The following MINDY2 variants were observed in gnomAD, a reference collection of about 807,000 sequenced individuals.
MINDY2 encodes the protein ubiquitin carboxyl-terminal hydrolase MINDY-2.
A neutral mutation model predicts 68.2 loss-of-function variants in MINDY2; 52 were observed. The ratio of observed to expected loss-of-function variants is 0.76; its 90% CI spans 0.61 to 0.96. The LOEUF (loss-of-function observed/expected upper bound fraction) is 0.96. MINDY2 is among the 40% of genes least tolerant of loss of function. MINDY2 has a pLI of 0.00. For missense variants in MINDY2, 881 were observed against 773.4 expected, an observed-to-expected ratio of 1.14 and a Z score of -1.65; for synonymous variants, 372 against 303.0, an observed-to-expected ratio of 1.23 and a Z score of -2.36.
intron 4 of MINDY2, among the ~76,000 whole-genome samples, chr15:58,810,983 C>T (rs965352717): frequency 3.3e-4 from 50 of 152,218 alleles, no homozygotes; most frequent in African/African-American, 1.1e-3. Context: ...AATTTATTGC[C>T]CATGTAATTG....
chr15:58,845,968 C>G (rs185584700), intron 6 of MINDY2, among the ~76,000 whole-genome samples: 15 of 151,890 alleles, frequency 9.9e-5, no homozygotes, highest in African/African-American at 3.4e-4. Context: ...TTCGCATGTT[C>G]TTTCTTATTT....
At chr15:58,792,003 G>T (rs1198194356) in intron 2 of MINDY2, among the ~76,000 whole-genome samples, 1 of 152,156 alleles carries the variant, frequency 6.6e-6, no homozygotes, top group African/African-American at 2.4e-5. Context: ...TTTCAAGGAA[G>T]AGTGAGAGAT....
chr15:58,825,750 C>T (rs2031354976), intron 5 of MINDY2, among the ~76,000 whole-genome samples: 1 of 152,114 alleles, frequency 6.6e-6, no homozygotes, highest in South Asian at 2.1e-4. Flanking sequence ...GGACTACAGG[C>T]TCACGCCACC....
Position 58,810,295 on chromosome 15 carries a change from C to T in MINDY2, c.1029C>T (p.Phe343=). The change falls in exon 4 of 9, where the codon TTC becomes TTT. Residue 343 remains phenylalanine (F), a synonymous_variant. Coordinates refer to ENST00000559228, the MANE Select transcript of MINDY2 (RefSeq NM_001040450.3). ...CAGGCCTGGATGTAAATGTAAGATT[C>T]ACTGGTGTTCGAGTGTTTGAATATA... ...LQTGLDVNVR[F]TGVRVFEYTP... 1.2e-6 allele frequency: 2 copies of T among 1,613,856 alleles called. No individual in the cohort carries two copies. The highest frequency in any genetic ancestry group is 1.1e-5 in the South Asian group (1 of 91,022).
intron 5 of MINDY2, among the ~76,000 whole-genome samples, chr15:58,825,107 A>T (rs1373735492): frequency 6.6e-6 from 1 of 152,234 alleles, no homozygotes; most frequent in Non-Finnish European, 1.5e-5. Context: ...TTTATTAAAA[A>T]ATAAGTTTTG....
intron 3 of MINDY2, among the ~76,000 whole-genome samples, chr15:58,803,945 GAAAAAAAAAA>G (rs34082956): frequency 5.2e-5 from 4 of 77,234 alleles, no homozygotes; most frequent in South Asian, 4.5e-4. Flanking sequence ...CAGCTCTACT[GAAAAAAAAAA>G]AAAAAAAAAA....
chr15:58,847,586 T>G (rs1439864747), intron 7 of MINDY2, 116 bp downstream of exon 7: 1 of 727,736 alleles, frequency 1.4e-6, no homozygotes, highest in African/African-American at 1.8e-5. Flanking sequence ...TTGTGAAATT[T>G]TCCTGACACT....
Position 58,771,588 on chromosome 15 carries a change from G to T in MINDY2, c.193G>T (p.Asp65Tyr). 6.2e-7 allele frequency: 1 copy of T among 1,611,774 alleles called. No homozygotes were observed. The highest frequency in any genetic ancestry group is 8.5e-7 in the Non-Finnish European group (1 of 1,179,724). Reference protein sequence around the residue: ...GAAAARRSLPDSASPAGSPEV... With the variant: ...GAAAARRSLPYSASPAGSPEV... Reference sequence around the variant, plus strand: ...GGCGGCCGCCAGGAGGAGCCTCCCGGACTCGGCTTCTCCCGCGGGCTCTCC... The same window carrying T: ...GGCGGCCGCCAGGAGGAGCCTCCCGTACTCGGCTTCTCCCGCGGGCTCTCC... Residue 65 changes from aspartate to tyrosine, a missense_variant, in exon 1 of 9, where the codon GAC becomes TAC. Transcript: ENST00000559228.
In MINDY2 at chr15:58,772,055, G is replaced by C. The variant is rs754616116; in HGVS notation, c.660G>C (p.Glu220Asp). Residue 220 changes from glutamate (E) to aspartate (D), a missense_variant, in exon 1 of 9, where the codon GAG becomes GAC. Glu to Asp is a conservative substitution (Grantham distance 45, BLOSUM62 2). Transcript: ENST00000559228. ...VLPGAVPLCK[E>D]EEGEETAQVL... ...CCGGGGCTGTTCCTCTGTGCAAGGA[G>C]GAGGAGGGGGAGGAGACCGCTCAGG... 1.9e-6 allele frequency: 3 copies of C among 1,610,390 alleles called. No homozygotes were observed. In the South Asian group the frequency reaches 3.3e-5, roughly 18 times the overall value.
chr15:58,847,460 A>T lies in MINDY2; in HGVS notation c.1532A>T (p.Gln511Leu), dbSNP rs1371110014. ...PETVYKGQQD[Q>L]IDQDYLMALS... is the part of the protein sequence containing the mutation. The stretch of plus-strand genomic sequence containing the variant: ...ACTGTATACAAAGGACAACAAGATC[A>T]GATAGATCAGGTAAATTTGTATTGT... The change falls in exon 7 of 9, where the codon CAG becomes CTG. Residue 511 changes from glutamine to leucine, a missense_variant. Physicochemically the swap from Gln to Leu is moderately radical, Grantham distance 113. Coordinates refer to ENST00000559228, the MANE Select transcript of MINDY2 (RefSeq NM_001040450.3). The T allele has an allele frequency of 6.4e-7, 1 of 1,551,032 alleles. No homozygotes were observed. Among genetic ancestry groups the T allele is most frequent in the African/African-American group, 1.3e-5 (1 of 74,106 alleles).
intron 1 of MINDY2, among the ~76,000 whole-genome samples, chr15:58,783,148 T>G (rs1901269670): frequency 6.6e-6 from 1 of 152,020 alleles, no homozygotes; most frequent in South Asian, 2.1e-4. Context: ...CTTGAACTCC[T>G]AACCTCAGGT....
chr15:58,776,482 ATAGTATTCAGGGAAAGAGAATG>A (rs1392846622), intron 1 of MINDY2, among the ~76,000 whole-genome samples: 7 of 152,202 alleles, frequency 4.6e-5, no homozygotes, highest in Non-Finnish European at 1.0e-4. Flanking sequence ...CAATGTCATG[ATAGTATTCAGGGAAAGAGAATG>A]TAATAAAAAT....
chr15:58,829,295 C>G (rs750409662), intron 5 of MINDY2, among the ~76,000 whole-genome samples: 63 of 152,248 alleles, frequency 4.1e-4, no homozygotes, highest in Non-Finnish European at 5.7e-4. Context: ...TCTTAATAAG[C>G]TATGCTTTAT....
In MINDY2 at chr15:58,827,621, G is replaced by A. The variant is rs553919179; in HGVS notation, c.1226-4153G>A. Among the ~76,000 whole-genome samples the A allele has an allele frequency of 2.6e-5, 4 of 152,058 alleles. No homozygotes were observed. In the East Asian group the frequency reaches 7.8e-4, roughly 30 times the overall value. On this transcript the variant is annotated intron_variant, in intron 5 of 8. Transcript: ENST00000559228. ...TGAGACTACAGGCGCCCGCCACCAC[G>A]GCCGGCTAATTTTTTTGTACTTTTA...
intron 6 of MINDY2, among the ~76,000 whole-genome samples, chr15:58,832,210 A>C (rs1246360506): frequency 6.6e-6 from 1 of 151,158 alleles, no homozygotes; most frequent in East Asian, 2.0e-4. Flanking sequence ...AACCCTAGAG[A>C]TAGAACTAGG....
At chr15:58,823,228 C>T (rs1244521778) in intron 5 of MINDY2, among the ~76,000 whole-genome samples, 1 of 151,188 alleles carries the variant, frequency 6.6e-6, no homozygotes, top group Non-Finnish European at 1.5e-5. Context: ...ACCTCCGCCT[C>T]CCAGGATGAA....
At chr15:58,794,218 G>T (rs1332172586) in intron 2 of MINDY2, among the ~76,000 whole-genome samples, 1 of 152,076 alleles carries the variant, frequency 6.6e-6, no homozygotes, top group Admixed American at 6.6e-5. Flanking sequence ...TGATGTAAGT[G>T]TGTTGAAGGA....
chr15:58,805,190 A>G (rs1048300468), intron 3 of MINDY2, among the ~76,000 whole-genome samples: 4 of 152,206 alleles, frequency 2.6e-5, no homozygotes, highest in Admixed American at 6.5e-5. Flanking sequence ...CAATGAAACT[A>G]TAAGGTGTTA....
At chr15:58,788,695 C>A (rs1239048143) in intron 2 of MINDY2, among the ~76,000 whole-genome samples, 2 of 152,156 alleles carry the variant, frequency 1.3e-5, no homozygotes, top group Non-Finnish European at 2.9e-5. Context: ...AATCCATATT[C>A]TACAGTTTTT....
Sources: gnomAD v4.1 joint callset for allele counts (sites outside exome capture counted in the v4.1 genomes callset) on GRCh38, gnomAD v4.1.1 for gene constraint, MANE v1.5 for transcripts, NCBI Gene and HGNC (gene_info 2026-07-23, HGNC 2026-07-21) for gene names.